GRIP1: variants seen among roughly 807,000 people sequenced by gnomAD.
GRIP1 encodes glutamate receptor-interacting protein 1.
A neutral mutation model predicts 129.9 loss-of-function variants in GRIP1; 45 were observed. That is an observed-to-expected ratio of 0.35 (90% confidence interval 0.27 to 0.44). GRIP1 has a LOEUF of 0.44. Among genes scored for constraint, GRIP1 ranks in the 20% least tolerant of loss-of-function variants. The pLI is 1.00. For synonymous variants in GRIP1, 530 were observed against 520.8 expected (o/e 1.02, Z -0.24); for missense variants, 1,196 against 1,396.8 (o/e 0.86, Z 2.29).
chr12:67,023,940 T>TTTCC (rs2042904118), intron 1 of GRIP1, among the ~76,000 whole-genome samples: 1 of 152,154 alleles, frequency 6.6e-6, no homozygotes, highest in Non-Finnish European at 1.5e-5. Context: ...TTTCTCTTTC[T>TTTCC]TTCCTTCCTT....
intron 13 of GRIP1, among the ~76,000 whole-genome samples, chr12:66,439,518 T>A (rs2058411098): frequency 6.6e-6 from 1 of 151,918 alleles, no homozygotes; most frequent in African/African-American, 2.4e-5. Context: ...TCAAACACAG[T>A]AGTGTAGTGT....
At chr12:66,401,609 TACACAC>T (rs71096099) in intron 16 of GRIP1, among the ~76,000 whole-genome samples, 1,425 of 110,174 alleles carry the variant, frequency 0.013, 91 homozygotes, top group African/African-American at 0.038. Flanking sequence ...TATATATATA[TACACAC>T]ACACACACAC....
chr12:66,723,920 G>C (rs2036174059), intron 1 of GRIP1, among the ~76,000 whole-genome samples: 1 of 152,130 alleles, frequency 6.6e-6, no homozygotes, highest in Non-Finnish European at 1.5e-5. Flanking sequence ...CAGTGGTAGA[G>C]GGAAAGATGA....
chr12:66,882,888 C>G (rs2137198410), intron 1 of GRIP1, among the ~76,000 whole-genome samples: 1 of 152,274 alleles, frequency 6.6e-6, no homozygotes, highest in South Asian at 2.1e-4. Context: ...AATACTTGGT[C>G]TGCTCTGCCG....
intron 1 of GRIP1, among the ~76,000 whole-genome samples, chr12:66,847,300 C>G (rs1240579614): frequency 6.6e-6 from 1 of 152,136 alleles, no homozygotes; most frequent in African/African-American, 2.4e-5. Flanking sequence ...CTACAAACCC[C>G]TGAATGATCT....
rs531526912 is a variant in GRIP1, at chr12:67,050,038, A to G, written c.58+19012T>C. On this transcript the variant is annotated intron_variant, in intron 1 of 1. Coordinates refer to the GRIP1 transcript ENST00000643019. ...CATCTTTTCCTGGGGTGATTTTTTC[A>G]TTGCTTTGAATTCATATATGTATTC... 1.4e-3 allele frequency among the ~76,000 whole-genome samples: 192 copies of G among 135,306 alleles called. 1 individual carries two copies. In the South Asian group the frequency reaches 0.017, roughly 12 times the overall value. 88.8% of individuals were successfully genotyped at this position (135,306 alleles called of 152,430 possible). A position where few individuals can be genotyped will look rare whatever the true frequency, so the allele number is the denominator to read the frequency against.
chr12:66,463,256 C>A (rs1333204292), intron 8 of GRIP1, among the ~76,000 whole-genome samples, 163 bp from the exon 9 acceptor site: 1 of 151,888 alleles, frequency 6.6e-6, no homozygotes, highest in East Asian at 1.9e-4. Flanking sequence ...ATTTTAAGTA[C>A]CTTGAATATG....
At chr12:66,774,650 T>G (rs904141069) in intron 1 of GRIP1, among the ~76,000 whole-genome samples, 2 of 152,152 alleles carry the variant, frequency 1.3e-5, no homozygotes, top group African/African-American at 4.8e-5. Flanking sequence ...GAATATGACC[T>G]GGATGATAAA....
intron 13 of GRIP1, among the ~76,000 whole-genome samples, chr12:66,443,438 T>C (rs906851459): frequency 6.6e-6 from 1 of 151,606 alleles, no homozygotes; most frequent in African/African-American, 2.4e-5. Context: ...ATTTTTTTTT[T>C]CTTTTCTCTT....
intron 1 of GRIP1, among the ~76,000 whole-genome samples, chr12:67,050,241 A>AT (rs1466525596): frequency 6.6e-6 from 1 of 152,032 alleles, no homozygotes; most frequent in African/African-American, 2.4e-5. Context: ...CCTATTTTCT[A>AT]TTTTTTTATA....
intron 1 of GRIP1, among the ~76,000 whole-genome samples, chr12:67,026,626 T>A (rs1304265144): frequency 6.6e-6 from 1 of 152,232 alleles, no homozygotes; most frequent in Non-Finnish European, 1.5e-5. Flanking sequence ...TTCTTCATTA[T>A]CCTGATGGCC....
chr12:66,833,546 T>C (rs2039556362), intron 1 of GRIP1, among the ~76,000 whole-genome samples: 1 of 152,180 alleles, frequency 6.6e-6, no homozygotes, highest in African/African-American at 2.4e-5. Context: ...GATCCAAGTA[T>C]CTACCACTTC....
chr12:67,027,020 T>C (rs2042951213), intron 1 of GRIP1, among the ~76,000 whole-genome samples: 1 of 152,168 alleles, frequency 6.6e-6, no homozygotes, highest in Non-Finnish European at 1.5e-5. Context: ...CCTCCAGGGC[T>C]CAAGTGATCC....
chr12:66,668,528 C>T (rs777992525), intron 1 of GRIP1, among the ~76,000 whole-genome samples: 11 of 152,134 alleles, frequency 7.2e-5, no homozygotes, highest in African/African-American at 1.2e-4. Flanking sequence ...CAGCCTTGAG[C>T]AGGCTTTGGG....
At chr12:66,733,389 T>G (rs577323514) in intron 1 of GRIP1, among the ~76,000 whole-genome samples, 1 of 152,240 alleles carries the variant, frequency 6.6e-6, no homozygotes, top group East Asian at 1.9e-4. Context: ...GCTAATAAGA[T>G]ATGAGTGGAT....
intron 1 of GRIP1, among the ~76,000 whole-genome samples, chr12:66,827,069 T>C (rs1015671885): frequency 1.3e-5 from 2 of 152,178 alleles, no homozygotes; most frequent in African/African-American, 4.8e-5. Context: ...TGTATTAGCA[T>C]CTTTTGTCAC....
intron 2 of GRIP1, among the ~76,000 whole-genome samples, chr12:66,554,396 G>C (rs1007584755): frequency 2.0e-5 from 3 of 152,298 alleles, no homozygotes; most frequent in Admixed American, 2.0e-4. Context: ...GTGGTAGCCA[G>C]GTGTAGTACA....
intron 1 of GRIP1, among the ~76,000 whole-genome samples, chr12:66,895,497 A>G (rs1358578955): frequency 1.3e-5 from 2 of 152,158 alleles, no homozygotes; most frequent in Admixed American, 1.3e-4. Flanking sequence ...TAGCAGTGTG[A>G]GAACAGACTA....
chr12:66,913,372 T>C (rs1015555563), intron 1 of GRIP1, among the ~76,000 whole-genome samples: 1 of 152,090 alleles, frequency 6.6e-6, no homozygotes, highest in Admixed American at 6.5e-5. Context: ...TCACCAGAGA[T>C]GACACAAGCC....
Sources: gnomAD v4.1 joint callset for allele counts (sites outside exome capture counted in the v4.1 genomes callset) on GRCh38, gnomAD v4.1.1 for gene constraint, MANE v1.5 for transcripts, NCBI Gene and HGNC (gene_info 2026-07-23, HGNC 2026-07-21) for gene names.